The following CCDC150 variants were observed in gnomAD, a reference collection of about 807,000 sequenced individuals.
CCDC150 encodes coiled-coil domain-containing protein 150.
CCDC150 carries 151 observed loss-of-function variants against 156.5 expected under a neutral mutation model. That is an observed-to-expected ratio of 0.97 (90% confidence interval 0.85 to 1.10). The LOEUF (loss-of-function observed/expected upper bound fraction) is 1.10, where lower values mean the gene tolerates loss of function less well. CCDC150 is among the 50% of genes least tolerant of loss of function. The probability of loss-of-function intolerance (pLI) is 0.00; values close to 1 mark genes in which losing one functional copy is unlikely to be tolerated. For synonymous variants in CCDC150, 452 were observed against 429.4 expected (o/e 1.05, Z -0.65); for missense variants, 1,312 against 1,268.1 (o/e 1.03, Z -0.53).
intron 18 of CCDC150, chr2:196,719,290 C>G: frequency 2.5e-6 from 1 of 407,900 alleles, no homozygotes; most frequent in Non-Finnish European, 4.3e-6. Context: ...CAGAGTTCAC[C>G]AACTTTTCTG....
At chr2:196,667,336 T>A (rs1182541139) in intron 7 of CCDC150, 1 of 165,788 alleles carries the variant, frequency 6.0e-6, no homozygotes, top group Non-Finnish European at 1.3e-5. Context: ...GAGCTTAGAT[T>A]AATCTCCTCT....
intron 13 of CCDC150, among the ~76,000 whole-genome samples, chr2:196,692,154 G>T (rs1225790526): frequency 4.5e-5 from 5 of 110,586 alleles, no homozygotes; most frequent in African/African-American, 1.1e-4. Flanking sequence ...TTGAGACGGA[G>T]TCTCGCTCTG....
chr2:196,668,359 C>T (rs950814706), intron 7 of CCDC150, among the ~76,000 whole-genome samples: 2 of 150,854 alleles, frequency 1.3e-5, no homozygotes, highest in African/African-American at 4.9e-5. Flanking sequence ...ACCCAAAGAC[C>T]CACAGCAAGT....
chr2:196,730,730 G>A (rs1698474445), intron 25 of CCDC150, 129 bp from the exon 26 acceptor site: 1 of 662,950 alleles, frequency 1.5e-6, no homozygotes, highest in African/African-American at 1.8e-5. Context: ...TCATATGTCA[G>A]TAGCACCTGA....
chr2:196,680,573 G>T (rs774121678), intron 13 of CCDC150, among the ~76,000 whole-genome samples: 1 of 152,112 alleles, frequency 6.6e-6, no homozygotes, highest in South Asian at 2.1e-4. Flanking sequence ...CCAAATTGCT[G>T]GGATTACAGG....
chr2:196,685,849 C>G (rs1019557409), intron 13 of CCDC150, among the ~76,000 whole-genome samples: 1 of 151,992 alleles, frequency 6.6e-6, no homozygotes, highest in Non-Finnish European at 1.5e-5. Flanking sequence ...CTCCTGACCT[C>G]GTGATCCGCC....
intron 15 of CCDC150, among the ~76,000 whole-genome samples, chr2:196,706,877 G>A (rs1219773825): frequency 6.6e-6 from 1 of 152,198 alleles, no homozygotes; most frequent in Non-Finnish European, 1.5e-5. Flanking sequence ...GATTGTGGTG[G>A]ATAAGCTTTT....
At chr2:196,650,244 A>T (rs1366867715) in intron 2 of CCDC150, among the ~76,000 whole-genome samples, 2 of 152,210 alleles carry the variant, frequency 1.3e-5, no homozygotes, top group Non-Finnish European at 2.9e-5. Context: ...ATCTATTGAG[A>T]TGATTATATA....
chr2:196,719,349 A>G (rs1697738310), intron 18 of CCDC150, 148 bp from the exon 19 acceptor site: 8 of 581,018 alleles, frequency 1.4e-5, no homozygotes, highest in African/African-American at 1.9e-5. Context: ...ACCACCTAAA[A>G]ATAAAATATA....
At chr2:196,663,681 A>G (rs1192719292) in intron 5 of CCDC150, among the ~76,000 whole-genome samples, 2 of 152,154 alleles carry the variant, frequency 1.3e-5, no homozygotes, top group East Asian at 1.9e-4. Flanking sequence ...AAAGTTATGC[A>G]TTTCCAAAAT....
intron 15 of CCDC150, among the ~76,000 whole-genome samples, chr2:196,710,530 T>A (rs146862184): frequency 1.9e-3 from 295 of 152,294 alleles, no homozygotes; most frequent in African/African-American, 6.8e-3. Context: ...CCAGTCCCAA[T>A]GAGATGAACC....
At chr2:196,719,869 G>A in intron 19 of CCDC150, 1 of 393,302 alleles carries the variant, frequency 2.5e-6, no homozygotes, top group Non-Finnish European at 4.6e-6. Context: ...TGCCCCTATT[G>A]TGTAGTGATG....
intron 13 of CCDC150, among the ~76,000 whole-genome samples, chr2:196,687,546 A>G (rs1044266758): frequency 1.3e-5 from 2 of 151,798 alleles, no homozygotes; most frequent in Admixed American, 6.6e-5. Context: ...CATTCTGTAG[A>G]CTGTCTGTTT....
Position 196,657,067 on chromosome 2 carries a change from G to A in CCDC150, c.507G>A (p.Glu169=). The A allele has an allele frequency of 6.2e-7, 1 of 1,613,842 alleles. No homozygotes were observed. Among genetic ancestry groups the A allele is most frequent in the Non-Finnish European group, 8.5e-7 (1 of 1,179,790 alleles). ...GCCAGCAACTGAGAGCTGTAAAAGAGGAAGAAGACAAGGCACAAGATGAGG... is the reference window on the plus strand; with the variant it reads ...GCCAGCAACTGAGAGCTGTAAAAGAAGAAGAAGACAAGGCACAAGATGAGG... ...NLRQQLRAVK[E]EEDKAQDEVQ... is the part of the protein sequence containing the mutation. The change falls in exon 4 of 28, where the codon GAG becomes GAA. Residue 169 remains glutamate (E), a synonymous_variant. Coordinates refer to ENST00000389175, the MANE Select transcript of CCDC150 (RefSeq NM_001080539.2).
At position 196,669,827 on chromosome 2, in the gene CCDC150, T is replaced by C. The variant is rs760745760; in HGVS notation, c.893-6T>C. The C allele has an allele frequency of 4.4e-6, 7 of 1,600,892 alleles. No homozygotes were observed. In the African/African-American group the frequency reaches 9.4e-5, roughly 22 times the overall value. On this transcript the variant is annotated splice_region_variant and splice_polypyrimidine_tract_variant and intron_variant, in intron 7 of 27. Transcript: ENST00000389175. ...TATCATAGTTATGTGGAATTTTTGT[T>C]TTTAGCTTCTAGAGATGACCTCATT... is the stretch of plus-strand genomic sequence containing the variant.
chr2:196,698,676 C>T (rs1202068697), intron 14 of CCDC150, among the ~76,000 whole-genome samples: 1 of 152,088 alleles, frequency 6.6e-6, no homozygotes, highest in East Asian at 1.9e-4. Flanking sequence ...AAGTTTGAAT[C>T]GAATTTTAAA....
At chr2:196,716,706 A>G (rs1697523870) in intron 17 of CCDC150, among the ~76,000 whole-genome samples, 1 of 152,204 alleles carries the variant, frequency 6.6e-6, no homozygotes. Context: ...AAAGTCTTAT[A>G]CGTATGTGAA....
chr2:196,646,240 T>C (rs1692529913), intron 1 of CCDC150, 101 bp from the exon 2 acceptor site: 8 of 1,076,160 alleles, frequency 7.4e-6, no homozygotes, highest in Non-Finnish European at 1.1e-5. Context: ...CATTCCTGAG[T>C]TCAACAGGAC....
intron 9 of CCDC150, among the ~76,000 whole-genome samples, chr2:196,674,028 TCAA>T (rs1039882691): frequency 6.6e-6 from 1 of 152,144 alleles, no homozygotes; most frequent in Non-Finnish European, 1.5e-5. Context: ...CTCTACCAAA[TCAA>T]CAAATCTCTT....
Sources: allele counts gnomAD v4.1 joint callset (sites outside exome capture counted in the v4.1 genomes callset), GRCh38; gene constraint gnomAD v4.1.1; transcripts MANE v1.5; gene names NCBI Gene and HGNC (gene_info 2026-07-23, HGNC 2026-07-21).